PCDHGA10: variants seen among roughly 807,000 people sequenced by gnomAD.
The protein encoded by PCDHGA10 is protocadherin gamma subfamily A, 10.
PCDHGA10 carries 42 observed loss-of-function variants against 59.5 expected under a neutral mutation model. The observed-to-expected ratio is 0.71, with a 90% CI of 0.55 to 0.91. PCDHGA10 has a LOEUF of 0.91. Among genes scored for constraint, PCDHGA10 ranks in the 40% least tolerant of loss-of-function variants. The probability of loss-of-function intolerance (pLI) is 0.00; values close to 1 mark genes in which losing one functional copy is unlikely to be tolerated. For missense variants in PCDHGA10, 1,111 were observed against 1,198.2 expected, an observed-to-expected ratio of 0.93 and a Z score of 1.07; for synonymous variants, 511 against 517.2, an observed-to-expected ratio of 0.99 and a Z score of 0.16.
rs2095761888 is a variant in PCDHGA10, at chr5:141,414,582, C to T, written c.1407C>T (p.Asn469=). 4 of 1,613,862 alleles carry T rather than the reference C, an allele frequency of 2.5e-6. No homozygotes were observed. Among genetic ancestry groups the T allele is most frequent in the Non-Finnish European group, 3.4e-6 (4 of 1,179,896 alleles). Residue 469 remains asparagine, a synonymous_variant, in exon 1 of 4, where the codon AAC becomes AAT. Transcript: ENST00000398610. ...VSYFTYIPEN[N]ARGASIFSVT... is the part of the protein sequence containing the mutation. ...ACTTTACCTATATCCCAGAGAACAA[C>T]GCCAGGGGTGCCTCCATCTTCTCAG...
rs1316573600 is a variant in PCDHGA10 at position 141,490,443 on chromosome 5, G to A, written c.2437-4364G>A. The A allele has an allele frequency of 1.2e-6, 2 of 1,614,174 alleles. No individual in the cohort carries two copies. Among genetic ancestry groups the A allele is most frequent in the Non-Finnish European group, 8.5e-7 (1 of 1,180,042 alleles). On this transcript the variant is annotated intron_variant, in intron 1 of 3. Coordinates refer to ENST00000398610, the MANE Select transcript of PCDHGA10 (RefSeq NM_018913.3). The surrounding 1 kb of genome is among the most constrained non-coding windows in gnomAD (Gnocchi z 5.4). ...TGCCATTTCAGATTAAGCCTTCTGA[G>A]AACCACTACTCGCTGCTAACCAGCC...
At chr5:141,428,750 C>G (rs1282306626) in intron 1 of PCDHGA10, 1 of 154,730 alleles carries the variant, frequency 6.5e-6, no homozygotes, top group African/African-American at 2.4e-5. Flanking sequence ...ACTATTGCTT[C>G]AGGTTTGTTT....
At chr5:141,451,703 A>C (rs975120935) in intron 1 of PCDHGA10, among the ~76,000 whole-genome samples, 2 of 152,144 alleles carry the variant, frequency 1.3e-5, no homozygotes, top group Non-Finnish European at 2.9e-5. Context: ...GTAACATGAC[A>C]AAACCCTGCC....
Position 141,489,880 on chromosome 5 carries a change from G to A in PCDHGA10, c.2437-4927G>A. On this transcript the variant is annotated intron_variant, in intron 1 of 3. Transcript: ENST00000398610. The surrounding 1 kb of genome is among the most constrained non-coding windows in gnomAD (Gnocchi z 4.5). Reference sequence around the variant, plus strand: ...GGCAAGACATCAGCTGGTGCTTACTGCTGTGGATGGGGGGACCCCAGCCCG... The same window carrying A: ...GGCAAGACATCAGCTGGTGCTTACTACTGTGGATGGGGGGACCCCAGCCCG... 2 of 1,614,230 alleles carry A rather than the reference G, an allele frequency of 1.2e-6. No individual in the cohort carries two copies. The highest frequency in any genetic ancestry group is 1.7e-6 in the Non-Finnish European group (2 of 1,180,026).
intron 1 of PCDHGA10, among the ~76,000 whole-genome samples, chr5:141,447,747 C>A (rs1164160677): frequency 2.0e-5 from 3 of 152,106 alleles, no homozygotes; most frequent in Non-Finnish European, 4.4e-5. Flanking sequence ...AAGAGTCTTG[C>A]ATGTGACTGT....
At chr5:141,475,988 A>C (rs1197163866) in intron 1 of PCDHGA10, 29 of 1,114,786 alleles carry the variant, frequency 2.6e-5, no homozygotes, top group Non-Finnish European at 3.2e-5. Context: ...GCCGGCGAGC[A>C]AATCAACGGC....
rs759647406 is a variant in PCDHGA10 at position 141,493,849 on chromosome 5, A to G, written c.2437-958A>G. Among the ~76,000 whole-genome samples the G allele has an allele frequency of 6.6e-6, 1 of 152,178 alleles. No individual in the cohort carries two copies. The highest frequency in any genetic ancestry group is 1.5e-5 in the Non-Finnish European group (1 of 68,028). ...CTGGGAGCAAGTATGAGTATTAATT[A>G]CCAGCCCACCCCAGAACCAGTGAGG... On this transcript the variant is annotated intron_variant, in intron 1 of 3. Coordinates refer to ENST00000398610, the MANE Select transcript of PCDHGA10 (RefSeq NM_018913.3). The surrounding 1 kb of genome is among the most constrained non-coding windows in gnomAD (Gnocchi z 4.3).
intron 1 of PCDHGA10, among the ~76,000 whole-genome samples, chr5:141,456,250 C>T (rs1244300374): frequency 4.6e-5 from 7 of 152,014 alleles, no homozygotes; most frequent in African/African-American, 1.7e-4. Context: ...AGGCTTTGGG[C>T]GACCATTGCT....
At position 141,432,900 on chromosome 5, in the gene PCDHGA10, T is replaced by A. The variant is rs139221180; in HGVS notation, c.2436+17289T>A. ...GCCTTCGTCATCTTGCTGCTGGCGCTCAGGCTGCGGCGCTGGCACAAGTCA... is the reference window on the plus strand; with the variant it reads ...GCCTTCGTCATCTTGCTGCTGGCGCACAGGCTGCGGCGCTGGCACAAGTCA... On this transcript the variant is annotated intron_variant, in intron 1 of 3. Transcript: ENST00000398610. The surrounding 1 kb of genome is among the most constrained non-coding windows in gnomAD (Gnocchi z 6.0). The A allele has an allele frequency of 7.9e-5, 128 of 1,614,174 alleles. No homozygotes were observed. The highest frequency in any genetic ancestry group is 7.4e-4 in the East Asian group (33 of 44,868).
In PCDHGA10 at chr5:141,432,278, A is replaced by G. The variant is rs923930127; in HGVS notation, c.2436+16667A>G. On this transcript the variant is annotated intron_variant, in intron 1 of 3. Transcript: ENST00000398610. The surrounding 1 kb of genome is among the most constrained non-coding windows in gnomAD (Gnocchi z 6.0). ...GGCAAGCCTATCGTCCTACGTGTCC[A>G]TCAACTCCGACACTGGGGTACTGTA... 3.7e-5 allele frequency: 59 copies of G among 1,614,078 alleles called. No individual in the cohort carries two copies. Among genetic ancestry groups the G allele is most frequent in the Non-Finnish European group, 4.7e-5 (55 of 1,180,036 alleles).
chr5:141,428,513 AAAG>A (rs891793310), intron 1 of PCDHGA10: 2 of 280,938 alleles, frequency 7.1e-6, no homozygotes, highest in Non-Finnish European at 1.4e-5. Context: ...GATTCTAGAA[AAAG>A]AAGATTTAAT....
chr5:141,424,692 T>C (rs910540428), intron 1 of PCDHGA10: 2 of 152,004 alleles, frequency 1.3e-5, no homozygotes, highest in African/African-American at 4.8e-5. Context: ...CTTCTGGCTA[T>C]TTTTTTGTTC....
intron 1 of PCDHGA10, among the ~76,000 whole-genome samples, chr5:141,460,912 G>GTATA (rs34683754): frequency 4.0e-5 from 6 of 149,324 alleles, no homozygotes; most frequent in South Asian, 2.1e-4. Context: ...ATTCCATGGT[G>GTATA]TATATATATA....
intron 1 of PCDHGA10, chr5:141,419,893 TCCC>T (rs571839457): frequency 5.0e-5 from 81 of 1,613,960 alleles, no homozygotes; most frequent in Non-Finnish European, 6.5e-5. Context: ...TCAGCGACCA[TCCC>T]ACACCCTCTG....
chr5:141,447,709 T>C (rs896203283), intron 1 of PCDHGA10, among the ~76,000 whole-genome samples: 1 of 152,210 alleles, frequency 6.6e-6, no homozygotes, highest in East Asian at 1.9e-4. Context: ...TATAAGGATG[T>C]ACACATTTTC....
intron 1 of PCDHGA10, chr5:141,433,253 G>T: frequency 7.1e-7 from 1 of 1,416,466 alleles, no homozygotes; most frequent in South Asian, 1.3e-5. Flanking sequence ...GAATGCAGCG[G>T]TACGATCATA....
rs73794918 is a variant in PCDHGA10, at chr5:141,443,711, A to G, written c.2436+28100A>G. On this transcript the variant is annotated intron_variant, in intron 1 of 3. Coordinates refer to ENST00000398610, the MANE Select transcript of PCDHGA10 (RefSeq NM_018913.3). ...TCAAAAATTATAGAATAACATTTGC[A>G]TATAAAATTCCTCATACATTTCCCT... 9.8e-3 allele frequency among the ~76,000 whole-genome samples: 1,497 copies of G among 152,340 alleles called. 25 individuals are homozygous for G. Among genetic ancestry groups the G allele is most frequent in the African/African-American group, 0.033 (1,382 of 41,580 alleles).
chr5:141,432,864 G>A lies in PCDHGA10; in HGVS notation c.2436+17253G>A. On this transcript the variant is annotated intron_variant, in intron 1 of 3. Coordinates refer to ENST00000398610, the MANE Select transcript of PCDHGA10 (RefSeq NM_018913.3). The surrounding 1 kb of genome is among the most constrained non-coding windows in gnomAD (Gnocchi z 6.0). ...GTGGTAGCGGTGGCCGCGGTCTCCT[G>A]CGTCTTCCTGGCCTTCGTCATCTTG... 6.2e-7 allele frequency: 1 copy of A among 1,614,168 alleles called. No individual in the cohort carries two copies. Among genetic ancestry groups the A allele is most frequent in the South Asian group, 1.1e-5 (1 of 91,084 alleles).
rs768135284 is a variant in PCDHGA10, at chr5:141,489,277, T to C, written c.2437-5530T>C. ...GACACTCCCACAGCTCGCTGGGAAA[T>C]GGCAAGTGCTGTGCATGTTGTCCTT... On this transcript the variant is annotated intron_variant, in intron 1 of 3. Transcript: ENST00000398610. This position sits in a 1 kb window ranked among gnomAD's most constrained non-coding sequence, Gnocchi z 4.5. 7.1e-6 allele frequency: 11 copies of C among 1,556,078 alleles called. No individual in the cohort carries two copies. Among genetic ancestry groups the C allele is most frequent in the South Asian group, 3.7e-5 (3 of 80,348 alleles).
Sources: gnomAD v4.1 joint callset for allele counts (sites outside exome capture counted in the v4.1 genomes callset) on GRCh38, gnomAD v4.1.1 for gene constraint, Gnocchi (gnomAD v3.1) non-coding constraint, MANE v1.5 for transcripts, NCBI Gene and HGNC (gene_info 2026-07-23, HGNC 2026-07-21) for gene names.